REEP3: variants seen among roughly 807,000 people sequenced by gnomAD.
REEP3 encodes receptor accessory protein 3.
In REEP3, 20 loss-of-function variants were observed where a neutral mutation model predicts 41.3. The observed-to-expected ratio is 0.48, with a 90% CI of 0.34 to 0.70. The LOEUF (loss-of-function observed/expected upper bound fraction) is 0.70, where lower values mean the gene tolerates loss of function less well. Ranked by LOEUF, REEP3 falls within the 30% of genes least tolerant of loss-of-function variation. The pLI is 0.01. For synonymous variants in REEP3, 104 were observed against 101.8 expected (o/e 1.02, Z -0.13); for missense variants, 271 against 308.8 (o/e 0.88, Z 0.92).
chr10:63,608,996 G>A (rs1458818417), intron 5 of REEP3, among the ~76,000 whole-genome samples: 1 of 152,228 alleles, frequency 6.6e-6, no homozygotes, highest in East Asian at 1.9e-4. Context: ...GTCAAATGTA[G>A]AGTAGTAGAT....
intron 1 of REEP3, among the ~76,000 whole-genome samples, chr10:63,523,381 C>G (rs1235992076): frequency 6.6e-6 from 1 of 152,138 alleles, no homozygotes; most frequent in East Asian, 1.9e-4. Context: ...ACCTGTAATC[C>G]TAGCACTTTG....
At chr10:63,565,463 T>A (rs1044763936) in intron 1 of REEP3, among the ~76,000 whole-genome samples, 7 of 152,232 alleles carry the variant, frequency 4.6e-5, no homozygotes, top group Non-Finnish European at 8.8e-5. Flanking sequence ...TTAGATTAAG[T>A]CCTATTCGTG....
intron 5 of REEP3, among the ~76,000 whole-genome samples, chr10:63,601,436 T>C (rs1956171030): frequency 6.6e-6 from 1 of 152,102 alleles, no homozygotes; most frequent in East Asian, 1.9e-4. Flanking sequence ...AGAAAACCCA[T>C]GGGATCTGGG....
At chr10:63,577,360 G>A (rs1482045652) in intron 2 of REEP3, among the ~76,000 whole-genome samples, 1 of 152,138 alleles carries the variant, frequency 6.6e-6, no homozygotes, top group African/African-American at 2.4e-5. Flanking sequence ...GGAATGAGAA[G>A]GTATCTTGGA....
Position 63,542,087 on chromosome 10 carries a change from T to TTG in REEP3, c.32+20511_32+20512insGT, listed in dbSNP as rs1336848767. Among the ~76,000 whole-genome samples the TTG allele has an allele frequency of 4.0e-5, 6 of 149,754 alleles. No individual in the cohort carries two copies. The East Asian group carries it at 1.2e-3, about 29-fold the overall frequency. ...TACTTCTTTTTGTTTTTGTTTTTGTTTTTTTTTTTTGAGACAGAGTCTCAC... is the reference window on the plus strand; with the variant it reads ...TACTTCTTTTTGTTTTTGTTTTTGTTTGTTTTTTTTTTGAGACAGAGTCTCAC... On this transcript the variant is annotated intron_variant, in intron 1 of 7. Coordinates refer to ENST00000373758, the MANE Select transcript of REEP3 (RefSeq NM_001001330.3).
At chr10:63,587,263 A>G (rs1299477586) in intron 2 of REEP3, among the ~76,000 whole-genome samples, 1 of 152,162 alleles carries the variant, frequency 6.6e-6, no homozygotes, top group Admixed American at 6.5e-5. Context: ...CCTACCCTTC[A>G]TTTCTTTCCA....
chr10:63,547,606 C>G (rs768671872), intron 1 of REEP3, among the ~76,000 whole-genome samples: 2 of 152,118 alleles, frequency 1.3e-5, no homozygotes, highest in African/African-American at 4.8e-5. Context: ...CTAGAGATTC[C>G]TGGGCCTTTA....
intron 5 of REEP3, among the ~76,000 whole-genome samples, chr10:63,607,703 A>G (rs1397484555): frequency 6.6e-6 from 1 of 152,234 alleles, no homozygotes. Context: ...GGAGAATAGA[A>G]GAAGCCTAAG....
chr10:63,573,252 T>C (rs182638029), intron 2 of REEP3, among the ~76,000 whole-genome samples: 24 of 152,328 alleles, frequency 1.6e-4, no homozygotes, highest in African/African-American at 5.8e-4. Context: ...TCCTAGGATA[T>C]AATTTCCTGC....
chr10:63,521,592 C>A lies in REEP3; in HGVS notation c.32+15C>A. 1 of 1,406,090 alleles carries A rather than the reference C, an allele frequency of 7.1e-7. No individual in the cohort carries two copies. 87.1% of individuals were successfully genotyped at this position (1,406,090 alleles called of 1,614,324 possible). ...AGAGCCGTGGTGTAAGTGCCTCTCA[C>A]TGCGCCCTGCAGCCGGCGCGAGGCC... On this transcript the variant is annotated intron_variant, in intron 1 of 7. Transcript: ENST00000373758.
chr10:63,589,996 T>C (rs546600773), intron 2 of REEP3, among the ~76,000 whole-genome samples: 1 of 152,116 alleles, frequency 6.6e-6, no homozygotes, highest in East Asian at 1.9e-4. Flanking sequence ...GGTTTCACCA[T>C]GTTGGCCAGG....
intron 1 of REEP3, among the ~76,000 whole-genome samples, chr10:63,555,245 G>T (rs2393985): frequency 0.35 from 53,085 of 151,882 alleles, 10,071 homozygotes; most frequent in African/African-American, 0.48. Flanking sequence ...CAGGATTTGG[G>T]GCTGTTGTTG....
intron 2 of REEP3, among the ~76,000 whole-genome samples, chr10:63,593,007 C>A (rs745428439): frequency 1.3e-5 from 2 of 149,468 alleles, no homozygotes; most frequent in African/African-American, 2.5e-5. Flanking sequence ...AGCATCATTT[C>A]CTCTTTTAGA....
At chr10:63,598,740 C>T (rs529381774) in intron 4 of REEP3, among the ~76,000 whole-genome samples, 4 of 148,230 alleles carry the variant, frequency 2.7e-5, no homozygotes, top group African/African-American at 1.0e-4. Flanking sequence ...GCCGAGATTG[C>T]ACAACTGCAC....
chr10:63,521,941 C>G (rs1309798839), intron 1 of REEP3: 1 of 150,862 alleles, frequency 6.6e-6, no homozygotes, highest in Non-Finnish European at 1.5e-5. Flanking sequence ...AGCGCGGCAC[C>G]GCCCTGCGGG....
intron 2 of REEP3, among the ~76,000 whole-genome samples, chr10:63,591,643 T>G (rs1198522201): frequency 2.6e-5 from 4 of 152,230 alleles, no homozygotes; most frequent in African/African-American, 7.2e-5. Context: ...CAGATAATTT[T>G]TACTTTCTTA....
intron 1 of REEP3, among the ~76,000 whole-genome samples, chr10:63,547,095 T>C (rs1160170437): frequency 6.6e-6 from 1 of 151,782 alleles, no homozygotes; most frequent in East Asian, 1.9e-4. Flanking sequence ...CTAATTTTTG[T>C]ATTTTTAGTA....
intron 1 of REEP3, among the ~76,000 whole-genome samples, chr10:63,527,306 T>C (rs1190329855): frequency 1.3e-5 from 2 of 151,910 alleles, no homozygotes; most frequent in Non-Finnish European, 2.9e-5. Flanking sequence ...AAAAAAAAAC[T>C]CTTTTAATCT....
rs768051451 is a variant in REEP3 at position 63,594,867 on chromosome 10, A to G, written c.182+13A>G. The G allele has an allele frequency of 1.6e-4, 242 of 1,560,120 alleles. 3 individuals are homozygous for G. In the East Asian group the frequency reaches 4.1e-3, roughly 26 times the overall value. The stretch of plus-strand genomic sequence containing the variant: ...AAACAGTTGCTTGGTAAGTTTTACT[A>G]TTGAGAAGGGGCCAGACTACAGACT... On this transcript the variant is annotated intron_variant, in intron 3 of 7. Coordinates refer to ENST00000373758, the MANE Select transcript of REEP3 (RefSeq NM_001001330.3).
Sources: gnomAD v4.1 joint callset for allele counts (sites outside exome capture counted in the v4.1 genomes callset) on GRCh38, gnomAD v4.1.1 for gene constraint, MANE v1.5 for transcripts, NCBI Gene and HGNC (gene_info 2026-07-23, HGNC 2026-07-21) for gene names.